BIVM: variants seen among roughly 807,000 people sequenced by gnomAD.
BIVM encodes the protein basic, immunoglobulin-like variable motif containing.
Under a neutral mutation model 61.4 loss-of-function variants are expected in BIVM, and 31 were observed. The observed-to-expected ratio is 0.51, with a 90% CI of 0.38 to 0.68. The LOEUF is 0.68. BIVM is among the 30% of genes least tolerant of loss of function. The probability of loss-of-function intolerance (pLI) is 0.00; values close to 1 mark genes in which losing one functional copy is unlikely to be tolerated. For synonymous variants in BIVM, 189 were observed against 210.7 expected, an observed-to-expected ratio of 0.90 and a Z score of 0.89; for missense variants, 526 against 596.0, an observed-to-expected ratio of 0.88 and a Z score of 1.22.
chr13:102,815,394 A>C (rs1355376857), intron 3 of BIVM, among the ~76,000 whole-genome samples: 1 of 152,206 alleles, frequency 6.6e-6, no homozygotes, highest in African/African-American at 2.4e-5. Flanking sequence ...GAGCATAGCT[A>C]TCTGAAATCT....
At chr13:102,802,361 G>C (rs1175800537) in intron 1 of BIVM, among the ~76,000 whole-genome samples, 1 of 152,148 alleles carries the variant, frequency 6.6e-6, no homozygotes, top group Non-Finnish European at 1.5e-5. Context: ...TGGCCTCTTG[G>C]GGCTCTCACT....
rs1595343443 is a variant in BIVM, at chr13:102,816,385, T to C, written c.479-43T>C. The C allele has an allele frequency of 2.7e-6, 4 of 1,482,018 alleles. No individual in the cohort carries two copies. In the East Asian group the frequency reaches 1.1e-4, roughly 39 times the overall value. 91.8% of individuals were successfully genotyped at this position (1,482,018 alleles called of 1,614,324 possible). On this transcript the variant is annotated intron_variant, in intron 3 of 10. Transcript: ENST00000257336. The stretch of plus-strand genomic sequence containing the variant: ...ATTAATTTTTGTCATTTCAGTTTAC[T>C]TCATCTTAAGCATTTTGCTTATTTT...
intron 7 of BIVM, among the ~76,000 whole-genome samples, chr13:102,822,369 G>T (rs980850441): frequency 2.5e-4 from 38 of 152,318 alleles, no homozygotes; most frequent in African/African-American, 7.2e-4. Flanking sequence ...ACCTTTTTAT[G>T]TAGAACCTTT....
Position 102,822,170 on chromosome 13 carries a change from A to G in BIVM, c.901+11A>G. On this transcript the variant is annotated intron_variant, in intron 7 of 10. Coordinates refer to ENST00000257336, the MANE Select transcript of BIVM (RefSeq NM_017693.4). ...CAGCAGGAGAAACTGGTAGGTAAAC[A>G]TATAGAAGATTTACATACACACATA... 6.2e-7 allele frequency: 1 copy of G among 1,610,760 alleles called. No homozygotes were observed. The highest frequency in any genetic ancestry group is 8.5e-7 in the Non-Finnish European group (1 of 1,177,702).
At chr13:102,836,261 T>C (rs1208537114) in intron 9 of BIVM, among the ~76,000 whole-genome samples, 2 of 152,186 alleles carry the variant, frequency 1.3e-5, no homozygotes, top group Non-Finnish European at 2.9e-5. Flanking sequence ...TCAAAGATGC[T>C]TTCCTGTTTT....
chr13:102,807,238 C>A lies in BIVM; in HGVS notation c.-30C>A. The A allele has an allele frequency of 6.5e-7, 1 of 1,549,566 alleles. No homozygotes were observed. The highest frequency in any genetic ancestry group is 1.2e-5 in the South Asian group (1 of 81,408). Reference sequence around the variant, plus strand: ...AAACAGATAGAGTTGCAACTTGTTTCTAGTAATAGAAACTTTTACACTGCA... The same window carrying A: ...AAACAGATAGAGTTGCAACTTGTTTATAGTAATAGAAACTTTTACACTGCA... On this transcript the variant is annotated 5_prime_UTR_variant, in exon 3 of 11. Coordinates refer to ENST00000257336, the MANE Select transcript of BIVM (RefSeq NM_017693.4). This position sits in a 1 kb window ranked among gnomAD's most constrained non-coding sequence, Gnocchi z 4.0.
intron 8 of BIVM, 59 bp downstream of exon 8, chr13:102,831,756 G>A: frequency 1.9e-6 from 3 of 1,585,794 alleles, no homozygotes; most frequent in East Asian, 2.3e-5. Context: ...ATAGATGGGT[G>A]CGGTAGCTCA....
At chr13:102,813,077 C>A (rs576262244) in intron 3 of BIVM, among the ~76,000 whole-genome samples, 56 of 152,166 alleles carry the variant, frequency 3.7e-4, no homozygotes, top group Non-Finnish European at 7.1e-4. Flanking sequence ...CTGAAAGTTG[C>A]AATCCTTTGA....
chr13:102,813,696 C>T (rs531777784), intron 3 of BIVM, among the ~76,000 whole-genome samples: 1 of 152,258 alleles, frequency 6.6e-6, no homozygotes, highest in South Asian at 2.1e-4. Flanking sequence ...TGGTATATTC[C>T]TTCAAAGTGT....
intron 9 of BIVM, among the ~76,000 whole-genome samples, chr13:102,838,367 T>C (rs1881624591): frequency 6.6e-6 from 1 of 152,252 alleles, no homozygotes; most frequent in South Asian, 2.1e-4. Context: ...ATTGCTGCTT[T>C]AGCATGCAGG....
Position 102,808,975 on chromosome 13 carries a change from T to A in BIVM, c.478+1230T>A, listed in dbSNP as rs147478616. Among the ~76,000 whole-genome samples the A allele has an allele frequency of 1.9e-4, 29 of 151,998 alleles. No homozygotes were observed. The East Asian group carries it at 4.3e-3, about 22-fold the overall frequency. Reference sequence around the variant, plus strand: ...GCTAGGAGTTTATCAATTTTGTTAATCTTTTCAAATAACTAGCTTTTGTTA... The same window carrying A: ...GCTAGGAGTTTATCAATTTTGTTAAACTTTTCAAATAACTAGCTTTTGTTA... On this transcript the variant is annotated intron_variant, in intron 3 of 10. Coordinates refer to ENST00000257336, the MANE Select transcript of BIVM (RefSeq NM_017693.4).
intron 3 of BIVM, among the ~76,000 whole-genome samples, chr13:102,815,680 T>C (rs1219638204): frequency 6.6e-6 from 1 of 152,208 alleles, no homozygotes; most frequent in Non-Finnish European, 1.5e-5. Flanking sequence ...TTTGGCTTCC[T>C]TTTGTCTAGC....
chr13:102,804,558 G>A (rs920037379), intron 1 of BIVM, among the ~76,000 whole-genome samples: 1 of 152,132 alleles, frequency 6.6e-6, no homozygotes, highest in African/African-American at 2.4e-5. Context: ...TGATCCACCC[G>A]CCTCGGCCTC....
intron 7 of BIVM, among the ~76,000 whole-genome samples, chr13:102,830,536 T>C (rs1287058691): frequency 6.6e-6 from 1 of 152,176 alleles, no homozygotes; most frequent in African/African-American, 2.4e-5. Context: ...CTATTATAGT[T>C]ATGGCAAATG....
At chr13:102,826,962 C>T (rs984371928) in intron 7 of BIVM, among the ~76,000 whole-genome samples, 2 of 152,144 alleles carry the variant, frequency 1.3e-5, no homozygotes, top group South Asian at 2.1e-4. Flanking sequence ...AAAGTAAGAA[C>T]ATATACTTTT....
intron 9 of BIVM, among the ~76,000 whole-genome samples, chr13:102,836,581 C>T (rs1427982642): frequency 1.3e-5 from 2 of 152,234 alleles, no homozygotes; most frequent in African/African-American, 2.4e-5. Flanking sequence ...CCCAAAGGGC[C>T]GGGATTACAG....
chr13:102,837,704 G>A (rs926043275), intron 9 of BIVM, among the ~76,000 whole-genome samples: 6 of 152,174 alleles, frequency 3.9e-5, no homozygotes, highest in Non-Finnish European at 5.9e-5. Flanking sequence ...ATATTACCAC[G>A]GAATACTACT....
chr13:102,811,801 G>A (rs561001700), intron 3 of BIVM, among the ~76,000 whole-genome samples: 1 of 152,352 alleles, frequency 6.6e-6, no homozygotes, highest in East Asian at 1.9e-4. Flanking sequence ...GGGATTACAG[G>A]CGTGAGCCAC....
chr13:102,827,449 T>A (rs1195562184), intron 7 of BIVM, among the ~76,000 whole-genome samples: 1 of 24,936 alleles, frequency 4.0e-5, no homozygotes, highest in Non-Finnish European at 1.1e-4. Context: ...GTTTTATTCC[T>A]ACTTTCAATT....
Sources: gnomAD v4.1 joint callset for allele counts (sites outside exome capture counted in the v4.1 genomes callset) on GRCh38, gnomAD v4.1.1 for gene constraint, Gnocchi (gnomAD v3.1) non-coding constraint, MANE v1.5 for transcripts, NCBI Gene and HGNC (gene_info 2026-07-23, HGNC 2026-07-21) for gene names.